Variants in ACTN4 observed in about 807,000 individuals in gnomAD.
ACTN4 encodes the protein actinin alpha 4.
Under a neutral mutation model 114.2 loss-of-function variants are expected in ACTN4, and 18 were observed. The observed-to-expected ratio is 0.16, with a 90% confidence interval of 0.11 to 0.23. ACTN4 has a LOEUF of 0.23. ACTN4 is among the 10% of genes least tolerant of loss of function. The pLI is 1.00. For missense variants in ACTN4, 722 were observed against 1,262.9 expected, an observed-to-expected ratio of 0.57 and a Z score of 6.49; for synonymous variants, 515 against 506.3, an observed-to-expected ratio of 1.02 and a Z score of -0.23.
intron 3 of ACTN4, among the ~76,000 whole-genome samples, chr19:38,701,517 G>T (rs1968276740): frequency 6.6e-6 from 1 of 152,232 alleles, no homozygotes; most frequent in Admixed American, 6.5e-5. Context: ...TTCTCATTAT[G>T]CCCTGCCCGG....
intron 1 of ACTN4, among the ~76,000 whole-genome samples, chr19:38,664,058 G>A (rs1272205611): frequency 6.6e-6 from 1 of 152,228 alleles, no homozygotes; most frequent in African/African-American, 2.4e-5. Context: ...AGCCGGAACG[G>A]CCGCCCTGTA....
intron 1 of ACTN4, among the ~76,000 whole-genome samples, chr19:38,662,319 G>A (rs1976912806): frequency 6.6e-6 from 1 of 152,234 alleles, no homozygotes; most frequent in Non-Finnish European, 1.5e-5. Context: ...CCAGCAAGAA[G>A]TTACCTTCAT....
chr19:38,726,815 TGG>T (rs1969247229), intron 17 of ACTN4, 140 bp from the exon 18 acceptor site: 4 of 1,274,864 alleles, frequency 3.1e-6, no homozygotes, highest in Non-Finnish European at 4.3e-6. Context: ...GGAGGCACCA[TGG>T]CCCGTGTCCC....
chr19:38,715,086 C>T (rs1335413305), intron 9 of ACTN4, among the ~76,000 whole-genome samples: 1 of 152,156 alleles, frequency 6.6e-6, no homozygotes, highest in Non-Finnish European at 1.5e-5. Flanking sequence ...GGACAGAGAG[C>T]TGGGCTTCAC....
intron 1 of ACTN4, among the ~76,000 whole-genome samples, chr19:38,656,893 T>C (rs1976728661): frequency 6.6e-6 from 1 of 152,204 alleles, no homozygotes; most frequent in Non-Finnish European, 1.5e-5. Flanking sequence ...AGCCACAGTC[T>C]AGGTGGATCA....
rs115719586 is a variant in ACTN4, at chr19:38,711,252, C to T, written c.819+910C>T. On this transcript the variant is annotated intron_variant, in intron 8 of 20. Transcript: ENST00000252699. ...CTTTCACTCTCTCCTGCCTCTCTCT[C>T]TCTTTCTCTCTCTCTCTGTGCAGAT... 311 of 990,642 alleles carry T rather than the reference C, an allele frequency of 3.1e-4. 2 individuals are homozygous for T. In the African/African-American group the frequency reaches 5.3e-3, roughly 17 times the overall value. 61.4% of individuals were successfully genotyped at this position (990,642 alleles called of 1,614,324 possible). A position where few individuals can be genotyped will look rare whatever the true frequency, so the allele number is the denominator to read the frequency against.
intron 13 of ACTN4, 73 bp from the exon 14 acceptor site, chr19:38,723,864 C>A: frequency 6.4e-7 from 1 of 1,555,130 alleles, no homozygotes; most frequent in South Asian, 1.1e-5. Context: ...CCTCTGGACC[C>A]CTCCCCACCC....
Position 38,729,771 on chromosome 19 carries a change from C to T in ACTN4, c.*339C>T. 2.0e-6 allele frequency: 1 copy of T among 510,802 alleles called. No individual in the cohort carries two copies. The highest frequency in any genetic ancestry group is 1.6e-5 in the South Asian group (1 of 62,850). 31.6% of individuals were successfully genotyped at this position (510,802 alleles called of 1,614,324 possible). On this transcript the variant is annotated 3_prime_UTR_variant, in exon 21 of 21. Transcript: ENST00000252699. ...CTGGGATGCCTCACCACACCCAGGT[C>T]TCTTCCTTTGCTCTGAGGTCCCTTC...
intron 8 of ACTN4, among the ~76,000 whole-genome samples, chr19:38,712,419 T>G (rs1381816973): frequency 6.6e-6 from 1 of 152,132 alleles, no homozygotes; most frequent in African/African-American, 2.4e-5. Flanking sequence ...TGTAGTTCGG[T>G]CTCACAGGAT....
intron 5 of ACTN4, among the ~76,000 whole-genome samples, chr19:38,706,824 C>A (rs1968475552): frequency 3.3e-5 from 5 of 152,222 alleles, no homozygotes; most frequent in Admixed American, 3.3e-4. Flanking sequence ...GATGAACAAG[C>A]CTCAGCTCCA....
rs115331367 is a variant in ACTN4, at chr19:38,668,960, C to T, written c.162+21053C>T. 6.9e-3 allele frequency among the ~76,000 whole-genome samples: 1,054 copies of T among 152,120 alleles called. 11 individuals carry two copies. The highest frequency in any genetic ancestry group is 0.024 in the African/African-American group (1,000 of 41,488). ...TCTTGGTGTATGGTTTCGTAGGCTC[C>T]CCAGGGCTGAGGAGTCACCTTGGGA... is the stretch of plus-strand genomic sequence containing the variant. On this transcript the variant is annotated intron_variant, in intron 1 of 20. Transcript: ENST00000252699.
chr19:38,660,083 G>A (rs1180610729), intron 1 of ACTN4, among the ~76,000 whole-genome samples: 3 of 151,972 alleles, frequency 2.0e-5, no homozygotes, highest in African/African-American at 4.8e-5. Context: ...CATCATGTCC[G>A]GCTAATTTTT....
At chr19:38,693,840 C>T (rs891880108) in intron 1 of ACTN4, among the ~76,000 whole-genome samples, 23 of 152,214 alleles carry the variant, frequency 1.5e-4, no homozygotes, top group Non-Finnish European at 7.3e-5. Flanking sequence ...CCCTGAAGCC[C>T]GCCTTAGCTG....
At chr19:38,716,603 G>A (rs544528823) in intron 9 of ACTN4, among the ~76,000 whole-genome samples, 1 of 152,358 alleles carries the variant, frequency 6.6e-6, no homozygotes, top group Non-Finnish European at 1.5e-5. Context: ...GGAGGCTAAA[G>A]TGGGATTGCT....
rs777095561 is a variant in ACTN4 at position 38,724,630 on chromosome 19, C to T, written c.2010+65C>T. The T allele has an allele frequency of 1.2e-5, 19 of 1,607,238 alleles. No homozygotes were observed. In the South Asian group the frequency reaches 1.9e-4, roughly 16 times the overall value. On this transcript the variant is annotated intron_variant, in intron 16 of 20. Coordinates refer to ENST00000252699, the MANE Select transcript of ACTN4 (RefSeq NM_004924.6). This position sits in a 1 kb window ranked among gnomAD's most constrained non-coding sequence, Gnocchi z 7.0. ...AAGAGAGCTCCCGTAGTGAGGGGGTCCCCGGCCAGCCCAGGGCCTGCAGAC... is the reference window on the plus strand; with the variant it reads ...AAGAGAGCTCCCGTAGTGAGGGGGTTCCCGGCCAGCCCAGGGCCTGCAGAC...
intron 1 of ACTN4, among the ~76,000 whole-genome samples, chr19:38,662,737 A>G (rs1008734928): frequency 2.6e-5 from 4 of 152,200 alleles, no homozygotes; most frequent in South Asian, 2.1e-4. Flanking sequence ...GTGGCTTATT[A>G]TGCATTTATG....
At chr19:38,728,469 A>G (rs1253737453) in intron 19 of ACTN4, 1 of 530,318 alleles carries the variant, frequency 1.9e-6, no homozygotes, top group African/African-American at 4.3e-5. Flanking sequence ...TCTCCCCCTC[A>G]CCGCCTCCAG....
intron 1 of ACTN4, chr19:38,648,177 A>G: frequency 2.7e-6 from 1 of 365,828 alleles, no homozygotes; most frequent in Non-Finnish European, 4.9e-6. Context: ...AAGGATTTGG[A>G]GGGTCTGGGC....
At chr19:38,670,397 G>C (rs1426776218) in intron 1 of ACTN4, among the ~76,000 whole-genome samples, 1 of 152,186 alleles carries the variant, frequency 6.6e-6, no homozygotes, top group Non-Finnish European at 1.5e-5. Flanking sequence ...CCTGTCATTT[G>C]GACCCTTGTG....
Sources: allele counts gnomAD v4.1 joint callset (sites outside exome capture counted in the v4.1 genomes callset), GRCh38; gene constraint gnomAD v4.1.1; non-coding constraint Gnocchi (gnomAD v3.1); transcripts MANE v1.5; gene names NCBI Gene and HGNC (gene_info 2026-07-23, HGNC 2026-07-21).